The following VMP1 variants were observed in gnomAD, a reference collection of about 807,000 sequenced individuals.
The protein encoded by VMP1 is vacuole membrane protein 1, also known as ectopic P-granules autophagy protein 3 homolog.
A neutral mutation model predicts 56.0 loss-of-function variants in VMP1; 11 were observed. The observed-to-expected ratio is 0.20, with a 90% CI of 0.12 to 0.32. VMP1 has a LOEUF of 0.32. Ranked by LOEUF, VMP1 falls within the 10% of genes least tolerant of loss-of-function variation. The pLI is 1.00. For synonymous variants in VMP1, 149 were observed against 165.0 expected (o/e 0.90, Z 0.74); for missense variants, 296 against 490.3 (o/e 0.60, Z 3.74).
chr17:59,735,547 C>T (rs2143821241), intron 3 of VMP1, 74 bp downstream of exon 3: 1 of 1,515,296 alleles, frequency 6.6e-7, no homozygotes, highest in Non-Finnish European at 9.1e-7. Context: ...TAATCTCTTA[C>T]TTTCTGCCCT....
intron 5 of VMP1, among the ~76,000 whole-genome samples, chr17:59,747,887 C>T (rs2035487092): frequency 1.3e-5 from 2 of 150,498 alleles, no homozygotes; most frequent in Non-Finnish European, 1.5e-5. Flanking sequence ...AGAGCGAAAC[C>T]CTGTCTCTTA....
rs150048841 is a variant in VMP1 at position 59,792,876 on chromosome 17, AATTATT to A, written c.715-15908_715-15903del. 3.4e-4 allele frequency among the ~76,000 whole-genome samples: 26 copies of A among 77,120 alleles called. 2 individuals carry two copies. The highest frequency in any genetic ancestry group is 7.6e-4 in the African/African-American group (24 of 31,606). 50.6% of individuals were successfully genotyped at this position (77,120 alleles called of 152,430 possible). A position where few individuals can be genotyped will look rare whatever the true frequency, so the allele number is the denominator to read the frequency against. ...AAAAAATAATAATAATAATAATAAT[AATTATT>A]ATTATTATTATCAGATGAGTGGCTG... On this transcript the variant is annotated intron_variant, in intron 7 of 11. Coordinates refer to ENST00000262291, the MANE Select transcript of VMP1 (RefSeq NM_030938.5).
intron 9 of VMP1, 42 bp downstream of exon 9, chr17:59,811,828 C>A: frequency 7.7e-7 from 1 of 1,301,930 alleles, no homozygotes; most frequent in Non-Finnish European, 1.1e-6. Flanking sequence ...ATGATGAACC[C>A]ATTACAAGAC....
intron 10 of VMP1, among the ~76,000 whole-genome samples, chr17:59,835,862 TTA>T (rs1261750505): frequency 3.4e-5 from 5 of 148,424 alleles, no homozygotes; most frequent in African/African-American, 1.2e-4. Context: ...ATATATTTAA[TTA>T]TATATATTTA....
intron 1 of VMP1, among the ~76,000 whole-genome samples, chr17:59,723,114 C>A (rs2034463325): frequency 6.6e-6 from 1 of 152,166 alleles, no homozygotes; most frequent in African/African-American, 2.4e-5. Flanking sequence ...TTATACAAGT[C>A]CCTTACCTCT....
chr17:59,813,651 G>A (rs1459040959), intron 9 of VMP1, among the ~76,000 whole-genome samples: 1 of 151,458 alleles, frequency 6.6e-6, no homozygotes, highest in Non-Finnish European at 1.5e-5. Context: ...TATTTTCAAT[G>A]TATCTGAAAA....
Position 59,804,615 on chromosome 17 carries a change from T to TAA in VMP1, c.715-4160_715-4159dup, listed in dbSNP as rs35616891. On this transcript the variant is annotated intron_variant, in intron 7 of 11. Transcript: ENST00000262291. ...GCCTGGGCGACAGTGAGACTCCAGC[T>TAA]AAAAAAAAAAAAAAAAAAAAAAGTG... Among the ~76,000 whole-genome samples the TAA allele has an allele frequency of 5.9e-3, 412 of 69,874 alleles. 8 individuals are homozygous for TAA. Among genetic ancestry groups the TAA allele is most frequent in the Middle Eastern group, 8.2e-3 (1 of 122 alleles). The allele number at this position is 69,874 out of a possible 152,430, so 45.8% of individuals were successfully genotyped here. A position where few individuals can be genotyped will look rare whatever the true frequency, so the allele number is the denominator to read the frequency against.
intron 5 of VMP1, among the ~76,000 whole-genome samples, chr17:59,761,095 G>T (rs2036037364): frequency 6.6e-6 from 1 of 151,044 alleles, no homozygotes; most frequent in African/African-American, 2.4e-5. Flanking sequence ...GTAGAGACAG[G>T]TTTCACCATG....
chr17:59,740,728 C>G (rs559132753), intron 5 of VMP1, among the ~76,000 whole-genome samples: 2 of 152,250 alleles, frequency 1.3e-5, no homozygotes, highest in East Asian at 3.9e-4. Context: ...ACACTACATT[C>G]ACTAGTAGAG....
At chr17:59,781,030 T>A (rs1464297103) in intron 7 of VMP1, among the ~76,000 whole-genome samples, 1 of 152,204 alleles carries the variant, frequency 6.6e-6, no homozygotes, top group Non-Finnish European at 1.5e-5. Flanking sequence ...ATAAGATTTT[T>A]AATTTTTATT....
intron 5 of VMP1, among the ~76,000 whole-genome samples, chr17:59,760,496 G>A (rs2036010250): frequency 6.6e-6 from 1 of 151,900 alleles, no homozygotes; most frequent in African/African-American, 2.4e-5. Flanking sequence ...ATTTTTCCCT[G>A]TAGATGTTTT....
At chr17:59,714,637 G>A (rs1048581677) in intron 1 of VMP1, among the ~76,000 whole-genome samples, 1 of 138,454 alleles carries the variant, frequency 7.2e-6, no homozygotes, top group Non-Finnish European at 1.6e-5. Context: ...TTGCGTTTTT[G>A]TTTTTGTTTT....
At chr17:59,729,478 C>CA (rs1222683335) in intron 1 of VMP1, among the ~76,000 whole-genome samples, 693 of 43,450 alleles carry the variant, frequency 0.016, 4 homozygotes, top group African/African-American at 0.021. Context: ...GACTCCATCT[C>CA]AAAAAAAAAA....
intron 10 of VMP1, among the ~76,000 whole-genome samples, chr17:59,832,764 T>A (rs1195919630): frequency 6.8e-6 from 1 of 146,264 alleles, no homozygotes; most frequent in African/African-American, 2.5e-5. Flanking sequence ...TGGCAATATT[T>A]TTTTTTTTTT....
At chr17:59,749,051 G>C (rs1358464379) in intron 5 of VMP1, among the ~76,000 whole-genome samples, 1 of 151,148 alleles carries the variant, frequency 6.6e-6, no homozygotes, top group East Asian at 1.9e-4. Context: ...CTGGGTTCCA[G>C]TGTTTCTCCT....
intron 6 of VMP1, among the ~76,000 whole-genome samples, chr17:59,771,117 A>G (rs2036407948): frequency 6.6e-6 from 1 of 150,920 alleles, no homozygotes; most frequent in Admixed American, 6.6e-5. Flanking sequence ...ATATATGTCC[A>G]TTATTTTATT....
intron 10 of VMP1, among the ~76,000 whole-genome samples, chr17:59,818,128 G>A (rs964593365): frequency 2.0e-5 from 3 of 152,134 alleles, no homozygotes; most frequent in African/African-American, 7.2e-5. Context: ...GTACAATGCT[G>A]TGATTTTTGG....
chr17:59,741,012 A>G (rs2143847800), intron 5 of VMP1, among the ~76,000 whole-genome samples: 1 of 152,262 alleles, frequency 6.6e-6, no homozygotes, highest in Non-Finnish European at 1.5e-5. Flanking sequence ...AGCCTGGGCA[A>G]CACATCTCTA....
Position 59,800,265 on chromosome 17 carries a change from A to G in VMP1, c.715-8531A>G, listed in dbSNP as rs182121670. ...TGTATTTCATTTTAGAAAATATTTA[A>G]TGATACGTTATTAGGGTCTTAATAA... On this transcript the variant is annotated intron_variant, in intron 7 of 11. Transcript: ENST00000262291. Among the ~76,000 whole-genome samples the G allele has an allele frequency of 6.6e-5, 10 of 152,342 alleles. No individual in the cohort carries two copies. The East Asian group carries it at 1.9e-3, about 29-fold the overall frequency.
Sources: gnomAD v4.1 joint callset for allele counts (sites outside exome capture counted in the v4.1 genomes callset) on GRCh38, gnomAD v4.1.1 for gene constraint, MANE v1.5 for transcripts, NCBI Gene and HGNC (gene_info 2026-07-23, HGNC 2026-07-21) for gene names.